ZSWIM5: variants seen among roughly 807,000 people sequenced by gnomAD.
ZSWIM5 encodes the protein zinc finger SWIM domain-containing protein 5.
Under a neutral mutation model 119.6 loss-of-function variants are expected in ZSWIM5, and 55 were observed. The observed-to-expected ratio is 0.46, with a 90% CI of 0.37 to 0.58. The LOEUF (loss-of-function observed/expected upper bound fraction) is 0.58, where lower values mean the gene tolerates loss of function less well. ZSWIM5 is among the 20% of genes least tolerant of loss of function. The pLI is 0.00. For missense variants in ZSWIM5, 1,193 were observed against 1,512.8 expected, an observed-to-expected ratio of 0.79 and a Z score of 3.51; for synonymous variants, 537 against 606.9, an observed-to-expected ratio of 0.88 and a Z score of 1.69.
In ZSWIM5 at chr1:45,150,171, TAAAAAAAAA is replaced by T. The variant is rs59869691; in HGVS notation, c.595+55576_595+55584del. 7.5e-5 allele frequency among the ~76,000 whole-genome samples: 7 copies of T among 93,386 alleles called. No homozygotes were observed. The East Asian group carries it at 1.2e-3, about 16-fold the overall frequency. The allele number at this position is 93,386 out of a possible 152,430, so 61.3% of individuals were successfully genotyped here. On this transcript the variant is annotated intron_variant, in intron 1 of 13. Transcript: ENST00000359600. ...GGTAACAAAGTGAGACTCTATCTCT[TAAAAAAAAA>T]AAAAAAAAAAAGAAAAAGAAAAGAA...
In ZSWIM5 at chr1:45,038,997, G is replaced by A. The variant is rs780840426; in HGVS notation, c.1833C>T (p.Cys611=). The change falls in exon 8 of 14, where the codon TGC becomes TGT. Residue 611 remains cysteine, a synonymous_variant. Coordinates refer to ENST00000359600, the MANE Select transcript of ZSWIM5 (RefSeq NM_020883.2). ...WVGHPLDPID[C]LFLTLTEACR... is the part of the protein sequence containing the mutation. ...AGGCCTCAGTCAAAGTGAGAAACAG[G>A]CAGTCGATGGGATCCAGGGGGTGGC... The A allele has an allele frequency of 8.7e-6, 14 of 1,614,026 alleles. No homozygotes were observed. In the South Asian group the frequency reaches 1.1e-4, roughly 13 times the overall value.
At chr1:45,182,336 G>A (rs1310926956) in intron 1 of ZSWIM5, among the ~76,000 whole-genome samples, 43 of 151,600 alleles carry the variant, frequency 2.8e-4, no homozygotes, top group African/African-American at 8.8e-4. Flanking sequence ...CCCAGAAGGC[G>A]GAGCTTGCAG....
chr1:45,094,021 TTATATTTA>T (rs1410187692), intron 1 of ZSWIM5, among the ~76,000 whole-genome samples: 3 of 120,006 alleles, frequency 2.5e-5, no homozygotes, highest in Non-Finnish European at 5.0e-5. Flanking sequence ...ATTTTTATTT[TTATATTTA>T]TTTATTTATT....
At chr1:45,061,189 T>A (rs987360914) in intron 2 of ZSWIM5, among the ~76,000 whole-genome samples, 3 of 152,178 alleles carry the variant, frequency 2.0e-5, no homozygotes, top group African/African-American at 7.2e-5. Flanking sequence ...CAAAGCTGTA[T>A]CACCTATAGC....
chr1:45,018,888 C>T lies in ZSWIM5; in HGVS notation c.3124G>A (p.Val1042Met). Residue 1042 changes from valine (V) to methionine (M), a missense_variant, in exon 14 of 14, where the codon GTG becomes ATG. Coordinates refer to ENST00000359600, the MANE Select transcript of ZSWIM5 (RefSeq NM_020883.2). This position sits in a 1 kb window ranked among gnomAD's most constrained non-coding sequence, Gnocchi z 6.7. ...NQDTHPAIND[V>M]LWACALSHSL... is the part of the protein sequence containing the mutation. ...TGGCTGAGAGCACAAGCCCAGAGCA[C>T]ATCATTGATGGCTGGGTGAGTATCC... The T allele has an allele frequency of 6.2e-7, 1 of 1,614,224 alleles. No homozygotes were observed. Among genetic ancestry groups the T allele is most frequent in the South Asian group, 1.1e-5 (1 of 91,088 alleles).
chr1:45,070,361 G>C (rs1473809260), intron 2 of ZSWIM5: 2 of 1,423,338 alleles, frequency 1.4e-6, no homozygotes, highest in East Asian at 4.6e-5. Context: ...TGGGCAGCCA[G>C]GGTGGCTTCT....
chr1:45,092,538 A>ACTCCC (rs1645373218), intron 1 of ZSWIM5, among the ~76,000 whole-genome samples: 1 of 57,404 alleles, frequency 1.7e-5, no homozygotes, highest in East Asian at 5.5e-4. Context: ...CTCGTGATCC[A>ACTCCC]CCCCCCCCCC....
chr1:45,149,344 G>A (rs1381641409), intron 1 of ZSWIM5, among the ~76,000 whole-genome samples: 1 of 152,180 alleles, frequency 6.6e-6, no homozygotes, highest in Non-Finnish European at 1.5e-5. Flanking sequence ...AGTACTAACT[G>A]AAAATCATAC....
At chr1:45,203,828 A>G (rs558526019) in intron 1 of ZSWIM5, among the ~76,000 whole-genome samples, 1 of 152,216 alleles carries the variant, frequency 6.6e-6, no homozygotes, top group Non-Finnish European at 1.5e-5. Context: ...AAAATTACAC[A>G]GCTCGTGGTT....
chr1:45,188,152 C>T (rs1427109305), intron 1 of ZSWIM5, among the ~76,000 whole-genome samples: 3 of 152,134 alleles, frequency 2.0e-5, no homozygotes, highest in Non-Finnish European at 4.4e-5. Flanking sequence ...TGCAAATATT[C>T]ACAGCAGCAT....
intron 1 of ZSWIM5, among the ~76,000 whole-genome samples, chr1:45,091,960 T>C (rs1009674841): frequency 1.3e-5 from 2 of 152,112 alleles, no homozygotes; most frequent in Non-Finnish European, 2.9e-5. Context: ...ACCACGCTGG[T>C]TGTGTATTTA....
intron 10 of ZSWIM5, 64 bp from the exon 11 acceptor site, chr1:45,034,533 G>T: frequency 2.0e-6 from 3 of 1,527,030 alleles, no homozygotes; most frequent in Non-Finnish European, 2.6e-6. Flanking sequence ...CCACCTTAGA[G>T]AAGCTTGCTC....
chr1:45,106,357 T>G (rs1253119920), intron 1 of ZSWIM5, among the ~76,000 whole-genome samples: 101 of 62,344 alleles, frequency 1.6e-3, no homozygotes, highest in East Asian at 2.0e-3. Context: ...CCGTCTGGGA[T>G]GTGGGGAGCG....
intron 1 of ZSWIM5, among the ~76,000 whole-genome samples, chr1:45,145,091 C>A (rs984834110): frequency 6.6e-6 from 1 of 151,820 alleles, no homozygotes; most frequent in Non-Finnish European, 1.5e-5. Flanking sequence ...CTTAGAAAAA[C>A]GCAAATTAAA....
chr1:45,206,202 C>T lies in ZSWIM5; in HGVS notation c.149G>A (p.Ser50Asn). 1 of 1,596,310 alleles carries T rather than the reference C, an allele frequency of 6.3e-7. No homozygotes were observed. The highest frequency in any genetic ancestry group is 1.3e-5 in the African/African-American group (1 of 74,496). The stretch of plus-strand genomic sequence containing the variant: ...GGGGCGGGCCCCGAGGACCAGGCAG[C>T]TGCTGCCGACGCCCCCTGCCCCTCC... Reference protein sequence around the residue: ...AGGGAGGVGSSCLVLGARPHL... With the variant: ...AGGGAGGVGSNCLVLGARPHL... Residue 50 changes from serine to asparagine, a missense_variant, in exon 1 of 14, where the codon AGC (serine) becomes AAC (asparagine). Around this residue, in one of 2 missense-constraint regions of ZSWIM5, gnomAD observed 232 missense variants for 222.9 expected, o/e 1.04. Transcript: ENST00000359600.
intron 1 of ZSWIM5, among the ~76,000 whole-genome samples, chr1:45,170,224 T>C (rs1326385367): frequency 2.0e-5 from 3 of 152,096 alleles, no homozygotes; most frequent in African/African-American, 7.2e-5. Context: ...TATGTAATTT[T>C]TGAAAAACAA....
At chr1:45,201,041 G>A (rs142749570) in intron 1 of ZSWIM5, among the ~76,000 whole-genome samples, 729 of 152,214 alleles carry the variant, frequency 4.8e-3, no homozygotes, top group Non-Finnish European at 7.4e-3. Flanking sequence ...CAATATGACC[G>A]GTGTCCTTAT....
In ZSWIM5 at chr1:45,066,722, C is replaced by G. The variant is rs561139638; in HGVS notation, c.953-6475G>C. On this transcript the variant is annotated intron_variant, in intron 2 of 13. Transcript: ENST00000359600. ...ATGCCACAGAAATTTGGACTCGATC[C>G]TAACAGTAATAGGAGGCCACTGAAG... 9.2e-5 allele frequency among the ~76,000 whole-genome samples: 14 copies of G among 152,138 alleles called. No homozygotes were observed. In the East Asian group the frequency reaches 2.3e-3, roughly 25 times the overall value.
chr1:45,174,740 A>G lies in ZSWIM5; in HGVS notation c.595+31016T>C, dbSNP rs138881429. Among the ~76,000 whole-genome samples, 948 of 151,968 alleles carry G rather than the reference A, an allele frequency of 6.2e-3. 11 individuals are homozygous for G. The highest frequency in any genetic ancestry group is 0.022 in the African/African-American group (921 of 41,474). ...GGGCCACAGAGCAAGATTCTGTCTC[A>G]AAAAAAAGAAAAAGATTATCATATT... On this transcript the variant is annotated intron_variant, in intron 1 of 13. Coordinates refer to ENST00000359600, the MANE Select transcript of ZSWIM5 (RefSeq NM_020883.2).
Sources: gnomAD v4.1 joint callset for allele counts (sites outside exome capture counted in the v4.1 genomes callset) on GRCh38, gnomAD v4.1.1 for gene constraint, gnomAD v4.1.1 regional missense constraint, Gnocchi (gnomAD v3.1) non-coding constraint, MANE v1.5 for transcripts, NCBI Gene and HGNC (gene_info 2026-07-23, HGNC 2026-07-21) for gene names.